NEXMIF: variants seen among roughly 807,000 people sequenced by gnomAD.
NEXMIF encodes XLMR protein related to neurite extension.
NEXMIF carries 8 observed loss-of-function variants against 62.1 expected under a neutral mutation model. The observed-to-expected ratio is 0.13, with a 90% CI of 0.08 to 0.23. The LOEUF (loss-of-function observed/expected upper bound fraction) is 0.23, where lower values mean the gene tolerates loss of function less well. Among genes scored for constraint, NEXMIF ranks in the 10% least tolerant of loss-of-function variants. The pLI is 1.00. For missense variants in NEXMIF, 976 were observed against 1,113.3 expected, an observed-to-expected ratio of 0.88 and a Z score of 1.75; for synonymous variants, 404 against 416.6, an observed-to-expected ratio of 0.97 and a Z score of 0.37.
Position 74,742,959 on chromosome X carries a change from C to T in NEXMIF, c.1598G>A (p.Arg533His), listed in dbSNP as rs752979291. Residue 533 changes from arginine to histidine, a missense_variant, in exon 3 of 4, where the codon CGT becomes CAT. Physicochemically the swap from Arg to His is conservative, Grantham distance 29. This residue lies in a region of NEXMIF where 639 missense variants were observed against 694.5 expected (regional missense o/e 0.92). Coordinates refer to ENST00000055682, the MANE Select transcript of NEXMIF (RefSeq NM_001008537.3). ...WCPKKRRKVT[R>H]KEPPVIIKYI... is the part of the protein sequence containing the mutation. ...TTTGATAATAACAGGGGGCTCCTTA[C>T]GGGTTACTTTTCTTCTCTTTTTGGG... is the stretch of plus-strand genomic sequence containing the variant. 7 of 1,208,959 alleles carry T rather than the reference C, an allele frequency of 5.8e-6. No homozygotes were observed. The highest frequency in any genetic ancestry group is 3.5e-5 in the African/African-American group (2 of 57,015).
intron 1 of NEXMIF, among the ~76,000 whole-genome samples, chrX:74,870,168 T>C (rs1451463739): frequency 9.0e-6 from 1 of 111,218 alleles, no homozygotes; most frequent in East Asian, 2.8e-4. Context: ...AGAAAATCCA[T>C]ACATCCACAG....
At chrX:74,860,412 C>T (rs1301342736) in intron 1 of NEXMIF, among the ~76,000 whole-genome samples, 1 of 111,838 alleles carries the variant, frequency 8.9e-6, no homozygotes, top group Non-Finnish European at 1.9e-5. Flanking sequence ...ATGGCTCTAA[C>T]AGATATTTAC....
intron 1 of NEXMIF, among the ~76,000 whole-genome samples, chrX:74,799,624 AAGT>A (rs1398925031): frequency 9.0e-6 from 1 of 111,120 alleles, no homozygotes; most frequent in African/African-American, 3.3e-5. Context: ...CTCTCAAAAC[AAGT>A]AACAGAACAT....
At chrX:74,865,379 T>C (rs2080574655) in intron 1 of NEXMIF, among the ~76,000 whole-genome samples, 1 of 111,751 alleles carries the variant, frequency 8.9e-6, no homozygotes, top group African/African-American at 3.3e-5. Context: ...CTGTGGAACT[T>C]TGAACTTGAG....
intron 1 of NEXMIF, among the ~76,000 whole-genome samples, chrX:74,824,627 G>A (rs1422165609): frequency 9.1e-6 from 1 of 109,696 alleles, no homozygotes; most frequent in Non-Finnish European, 1.9e-5. Context: ...TGGGATTGAT[G>A]GATCATATGG....
chrX:74,890,840 CACGGGA>C (rs2080715445), intron 1 of NEXMIF, among the ~76,000 whole-genome samples: 1 of 111,158 alleles, frequency 9.0e-6, no homozygotes, highest in Non-Finnish European at 1.9e-5. Context: ...GGGAGTGGCA[CACGGGA>C]GGAGATCAAG....
At chrX:74,745,857 C>G (rs1176417911) in intron 1 of NEXMIF, among the ~76,000 whole-genome samples, 160 bp from the exon 2 acceptor site, 1 of 111,774 alleles carries the variant, frequency 8.9e-6, no homozygotes, top group Non-Finnish European at 1.9e-5. Flanking sequence ...TTTATACCTA[C>G]CACATAAAGT....
At chrX:74,884,962 C>T (rs1292659617) in intron 1 of NEXMIF, among the ~76,000 whole-genome samples, 10 of 111,114 alleles carry the variant, frequency 9.0e-5, no homozygotes, top group African/African-American at 2.0e-4. Flanking sequence ...GACCACAGTG[C>T]AATCAAACTA....
chrX:74,770,299 C>T (rs2080206137), intron 1 of NEXMIF, among the ~76,000 whole-genome samples: 1 of 111,979 alleles, frequency 8.9e-6, no homozygotes. Context: ...TCCTAAATAT[C>T]TGGGAAGTAT....
At chrX:74,855,599 C>A (rs2080532107) in intron 1 of NEXMIF, among the ~76,000 whole-genome samples, 1 of 111,865 alleles carries the variant, frequency 8.9e-6, no homozygotes, top group African/African-American at 3.2e-5. Flanking sequence ...TTGCTCGAGG[C>A]TGGGTGCATG....
intron 1 of NEXMIF, among the ~76,000 whole-genome samples, chrX:74,755,201 A>C (rs770245269): frequency 1.1e-4 from 12 of 112,434 alleles, no homozygotes; most frequent in Non-Finnish European, 2.1e-4. Flanking sequence ...AAATACAAAC[A>C]GCTTGCTGGA....
Position 74,739,053 on chromosome X carries a change from G to A in NEXMIF, c.*352C>T, listed in dbSNP as rs757085478. On this transcript the variant is annotated 3_prime_UTR_variant, in exon 4 of 4. Coordinates refer to ENST00000055682, the MANE Select transcript of NEXMIF (RefSeq NM_001008537.3). The stretch of plus-strand genomic sequence containing the variant: ...CATATTTTTCCACCATGATCTACAG[G>A]TGCTATCCACATAAGTGGGGGTGGT... The A allele has an allele frequency of 2.2e-4, 29 of 130,743 alleles. No homozygotes were observed. Among genetic ancestry groups the A allele is most frequent in the South Asian group, 9.4e-4 (3 of 3,192 alleles). The allele number at this position is 130,743 out of a possible 1,213,427, so 10.8% of individuals were successfully genotyped here.
intron 1 of NEXMIF, among the ~76,000 whole-genome samples, chrX:74,840,065 C>T (rs988067516): frequency 8.9e-5 from 10 of 111,923 alleles, no homozygotes; most frequent in African/African-American, 9.8e-5. Flanking sequence ...TCCACAACCT[C>T]GCCAACATCC....
chrX:74,883,855 A>G (rs2080677479), intron 1 of NEXMIF, among the ~76,000 whole-genome samples: 1 of 111,880 alleles, frequency 8.9e-6, no homozygotes, highest in African/African-American at 3.3e-5. Context: ...CAGATTCACC[A>G]AAGTTGAAAT....
chrX:74,758,369 T>G (rs1265958123), intron 1 of NEXMIF, among the ~76,000 whole-genome samples: 1 of 111,367 alleles, frequency 9.0e-6, no homozygotes, highest in Non-Finnish European at 1.9e-5. Flanking sequence ...TTGGAACTCA[T>G]TTAGATAAAA....
chrX:74,760,057 T>G (rs1341648634), intron 1 of NEXMIF, among the ~76,000 whole-genome samples: 2 of 112,072 alleles, frequency 1.8e-5, no homozygotes, highest in Non-Finnish European at 3.8e-5. Context: ...GTGTCATCTC[T>G]GATTTCTTTG....
intron 1 of NEXMIF, among the ~76,000 whole-genome samples, chrX:74,875,397 G>A (rs1005853410): frequency 1.3e-4 from 14 of 111,659 alleles, no homozygotes; most frequent in Admixed American, 1.9e-4. Context: ...TTGGTTTGCT[G>A]GTATTTTATT....
At chrX:74,922,965 G>A (rs1437543316) in intron 1 of NEXMIF, among the ~76,000 whole-genome samples, 1 of 111,327 alleles carries the variant, frequency 9.0e-6, no homozygotes, top group Non-Finnish European at 1.9e-5. Flanking sequence ...TACAAATTTT[G>A]TTCAATCACC....
intron 1 of NEXMIF, among the ~76,000 whole-genome samples, chrX:74,900,037 T>C (rs2080744247): frequency 9.0e-6 from 1 of 111,417 alleles, no homozygotes; most frequent in African/African-American, 3.3e-5. Context: ...AGGAGTCAAA[T>C]AGACATTTCT....
Sources: allele counts gnomAD v4.1 joint callset (sites outside exome capture counted in the v4.1 genomes callset), GRCh38; gene constraint gnomAD v4.1.1; regional missense constraint gnomAD v4.1.1; transcripts MANE v1.5; gene names NCBI Gene and HGNC (gene_info 2026-07-23, HGNC 2026-07-21).